The following USH2A variants were observed in gnomAD, a reference collection of about 807,000 sequenced individuals.
USH2A encodes the protein Usher syndrome 2A (autosomal recessive, mild).
In USH2A, 443 loss-of-function variants were observed where a neutral mutation model predicts 538.9. The ratio of observed to expected loss-of-function variants is 0.82; its 90% CI spans 0.76 to 0.89. The LOEUF (loss-of-function observed/expected upper bound fraction) is 0.89, where lower values mean the gene tolerates loss of function less well. Ranked by LOEUF, USH2A falls within the 40% of genes least tolerant of loss-of-function variation. The pLI, the probability that USH2A is intolerant of heterozygous loss-of-function variation, is 0.00. For synonymous variants in USH2A, 2,413 were observed against 2,273.5 expected, an observed-to-expected ratio of 1.06 and a Z score of -1.75; for missense variants, 6,633 against 6,324.8, an observed-to-expected ratio of 1.05 and a Z score of -1.65.
At chr1:215,854,592 GA>G (rs1166776463) in intron 44 of USH2A, among the ~76,000 whole-genome samples, 2 of 152,200 alleles carry the variant, frequency 1.3e-5, no homozygotes, top group Non-Finnish European at 2.9e-5. Context: ...AGAGAAAAGA[GA>G]ATAGCTCTCT....
At chr1:215,724,281 T>C (rs1361193493) in intron 61 of USH2A, among the ~76,000 whole-genome samples, 1 of 151,368 alleles carries the variant, frequency 6.6e-6, no homozygotes, top group African/African-American at 2.4e-5. Context: ...TACTCAGCCA[T>C]AAAAAAGAAT....
At position 216,096,614 on chromosome 1, in the gene USH2A, C is replaced by T. The variant is rs12562899; in HGVS notation, c.4758+469G>A. On this transcript the variant is annotated intron_variant, in intron 22 of 71. Transcript: ENST00000307340. ...TTTAAATTGATTATTTTACTGTATC[C>T]TTTGCAGGGGCATGGTCATATTTAA... Among the ~76,000 whole-genome samples, 1,271 of 152,052 alleles carry T rather than the reference C, an allele frequency of 8.4e-3. 41 individuals are homozygous for T. In the East Asian group the frequency reaches 0.1, roughly 12 times the overall value.
In USH2A at chr1:216,419,113, G is replaced by A. The variant is rs185671518; in HGVS notation, c.486-434C>T. Among the ~76,000 whole-genome samples the A allele has an allele frequency of 5.3e-4, 81 of 152,108 alleles. No homozygotes were observed. The East Asian group carries it at 0.014, about 27-fold the overall frequency. On this transcript the variant is annotated intron_variant, in intron 2 of 71. Transcript: ENST00000307340. ...TAAAGCAAATTTAGTGTCCATGGAA[G>A]GCTCTAAATTGGTAGCCCTGAAGTC...
chr1:215,647,242 T>C (rs1363666993), intron 67 of USH2A, among the ~76,000 whole-genome samples: 1 of 152,194 alleles, frequency 6.6e-6, no homozygotes, highest in Non-Finnish European at 1.5e-5. Flanking sequence ...CCAGTGTTTG[T>C]TCATTTTCTT....
intron 44 of USH2A, among the ~76,000 whole-genome samples, chr1:215,855,334 C>T (rs1310442160): frequency 2.6e-5 from 4 of 152,118 alleles, no homozygotes; most frequent in Non-Finnish European, 4.4e-5. Context: ...AAATCAGTAG[C>T]ACTGTTATAC....
intron 49 of USH2A, among the ~76,000 whole-genome samples, chr1:215,811,657 C>A (rs561440338): frequency 6.6e-6 from 1 of 152,178 alleles, no homozygotes; most frequent in South Asian, 2.1e-4. Context: ...CCTGTAATCC[C>A]AGCACTTTGG....
intron 14 of USH2A, among the ~76,000 whole-genome samples, chr1:216,230,896 TCTCACACACACACA>T: frequency 6.7e-6 from 1 of 149,276 alleles, no homozygotes; most frequent in East Asian, 2.0e-4. Context: ...TCTCTCTCTC[TCTCACACACACACA>T]CACACACAGA....
chr1:216,111,314 A>C (rs1234542260), intron 21 of USH2A, among the ~76,000 whole-genome samples: 4 of 152,200 alleles, frequency 2.6e-5, no homozygotes, highest in African/African-American at 9.6e-5. Context: ...CATAGAAGAA[A>C]GTATCAAACC....
At chr1:215,852,641 G>A (rs1664048062) in intron 44 of USH2A, among the ~76,000 whole-genome samples, 1 of 152,292 alleles carries the variant, frequency 6.6e-6, no homozygotes, top group South Asian at 2.1e-4. Context: ...TCAAAAGCAA[G>A]TTAGTTACTT....
intron 47 of USH2A, among the ~76,000 whole-genome samples, chr1:215,837,696 C>T (rs1281979462): frequency 1.3e-5 from 2 of 151,996 alleles, no homozygotes; most frequent in African/African-American, 4.8e-5. Flanking sequence ...TTATGCTCCG[C>T]AAAAGGATTC....
At chr1:215,752,023 T>TTC (rs1558082618) in intron 58 of USH2A, among the ~76,000 whole-genome samples, 1 of 152,098 alleles carries the variant, frequency 6.6e-6, no homozygotes, top group African/African-American at 2.4e-5. Context: ...ATGCAGTCTT[T>TTC]GGAAAATATG....
intron 4 of USH2A, among the ~76,000 whole-genome samples, chr1:216,340,188 C>A (rs1167933883): frequency 6.6e-6 from 1 of 152,056 alleles, no homozygotes; most frequent in Non-Finnish European, 1.5e-5. Context: ...GAAATACAAA[C>A]TACCATCAGA....
chr1:215,680,120 C>G, intron 62 of USH2A, 29 bp downstream of exon 62: 1 of 1,608,696 alleles, frequency 6.2e-7, no homozygotes, highest in Middle Eastern at 1.7e-4. Context: ...GAACACCAAA[C>G]ATAATTTCTT....
chr1:215,751,839 A>G (rs1033387698), intron 58 of USH2A, among the ~76,000 whole-genome samples: 4 of 152,154 alleles, frequency 2.6e-5, no homozygotes, highest in African/African-American at 9.6e-5. Context: ...ACTTCATATA[A>G]CAATATAAGG....
intron 9 of USH2A, among the ~76,000 whole-genome samples, chr1:216,295,005 C>T (rs2037075721): frequency 6.6e-6 from 1 of 151,590 alleles, no homozygotes; most frequent in Admixed American, 6.6e-5. Context: ...CCTTCCCCTA[C>T]TTTATTGGCC....
At chr1:216,311,337 A>T (rs1019663274) in intron 9 of USH2A, among the ~76,000 whole-genome samples, 1 of 152,068 alleles carries the variant, frequency 6.6e-6, no homozygotes, top group Non-Finnish European at 1.5e-5. Context: ...CTCAATCTTA[A>T]TTTTTCCAGT....
At chr1:216,244,984 C>T (rs2036008616) in intron 13 of USH2A, among the ~76,000 whole-genome samples, 1 of 152,166 alleles carries the variant, frequency 6.6e-6, no homozygotes, top group South Asian at 2.1e-4. Flanking sequence ...ATGTATAAAT[C>T]ATGGTTATTT....
intron 9 of USH2A, among the ~76,000 whole-genome samples, chr1:216,308,967 G>A (rs1299628237): frequency 6.6e-6 from 1 of 152,144 alleles, no homozygotes; most frequent in African/African-American, 2.4e-5. Flanking sequence ...GGAAAAATAC[G>A]AACCTCTGTA....
intron 11 of USH2A, among the ~76,000 whole-genome samples, chr1:216,251,805 G>A (rs562930598): frequency 2.0e-5 from 3 of 152,014 alleles, no homozygotes; most frequent in Admixed American, 2.0e-4. Context: ...TACATGCTAG[G>A]TATTTAAATT....
Sources: allele counts gnomAD v4.1 joint callset (sites outside exome capture counted in the v4.1 genomes callset), GRCh38; gene constraint gnomAD v4.1.1; transcripts MANE v1.5; gene names NCBI Gene and HGNC (gene_info 2026-07-23, HGNC 2026-07-21).